Variants in ABR observed in about 807,000 individuals in gnomAD.
ABR encodes active breakpoint cluster region-related protein.
Under a neutral mutation model 107.2 loss-of-function variants are expected in ABR, and 35 were observed. The observed-to-expected ratio is 0.33, with a 90% confidence interval of 0.25 to 0.43. The LOEUF (loss-of-function observed/expected upper bound fraction) is 0.43. ABR is among the 20% of genes least tolerant of loss of function. The pLI is 1.00. For synonymous variants in ABR, 498 were observed against 462.0 expected (o/e 1.08, Z -1.00); for missense variants, 815 against 1,115.2 (o/e 0.73, Z 3.83).
At chr17:1,031,709 G>A in intron 16 of ABR, 1 of 1,249,972 alleles carries the variant, frequency 8.0e-7, no homozygotes, top group Non-Finnish European at 1.0e-6. Context: ...CCGCCTTCGG[G>A]CTGCAGTCGG....
chr17:1,149,379 G>A (rs1233790937), intron 1 of ABR, among the ~76,000 whole-genome samples: 1 of 151,136 alleles, frequency 6.6e-6, no homozygotes, highest in Non-Finnish European at 1.5e-5. Flanking sequence ...GTCACCTTCT[G>A]AATTACAAAG....
rs1173918715 is a variant in ABR, at chr17:1,084,603, A to G, written c.532-976T>C. ...CCATCGCCCCTTTCTGCAAAAGGGG[A>G]AACCGAGGCTCCATAAGTCAATTCC... On this transcript the variant is annotated intron_variant, in intron 4 of 22. Transcript: ENST00000302538. The surrounding 1 kb of genome is among the most constrained non-coding windows in gnomAD (Gnocchi z 4.2). Among the ~76,000 whole-genome samples, 2 of 152,150 alleles carry G rather than the reference A, an allele frequency of 1.3e-5. No individual in the cohort carries two copies. Among genetic ancestry groups the G allele is most frequent in the East Asian group, 3.9e-4 (2 of 5,190 alleles).
At chr17:1,141,237 AC>A (rs2040273040) in intron 1 of ABR, among the ~76,000 whole-genome samples, 1 of 152,160 alleles carries the variant, frequency 6.6e-6, no homozygotes, top group Admixed American at 6.5e-5. Flanking sequence ...AATCCTGGAA[AC>A]CAGCATCTTT....
upstream of ABR, among the ~76,000 whole-genome samples, chr17:1,188,428 T>C (rs2042360925): frequency 6.6e-6 from 1 of 152,044 alleles, no homozygotes; most frequent in Non-Finnish European, 1.5e-5. Flanking sequence ...CGGGCGCCTG[T>C]AGTCCCAGCT....
At chr17:1,162,802 A>ACACCT (rs2041356754) in intron 1 of ABR, among the ~76,000 whole-genome samples, 2 of 151,458 alleles carry the variant, frequency 1.3e-5, no homozygotes, top group Admixed American at 6.6e-5. Flanking sequence ...GGCCAAGCAC[A>ACACCT]GTGGCTCACA....
At chr17:1,056,197 T>C in intron 13 of ABR, 88 bp from the exon 14 acceptor site, 2 of 1,166,404 alleles carry the variant, frequency 1.7e-6, no homozygotes, top group Middle Eastern at 2.0e-4. Flanking sequence ...AGACGGGGTA[T>C]GAGACTCAGC....
chr17:1,156,413 G>C (rs552354049), intron 1 of ABR, among the ~76,000 whole-genome samples: 1 of 152,232 alleles, frequency 6.6e-6, no homozygotes, highest in Non-Finnish European at 1.5e-5. Context: ...AAATGCTGTG[G>C]TGGCTCACGC....
At position 1,148,946 on chromosome 17, in the gene ABR, G is replaced by A. The variant is rs191685758; in HGVS notation, c.62-23579C>T. On this transcript the variant is annotated intron_variant, in intron 1 of 22. Transcript: ENST00000302538. This position sits in a 1 kb window ranked among gnomAD's most constrained non-coding sequence, Gnocchi z 4.9. Reference sequence around the variant, plus strand: ...AGACAGAGTCTCACTCTGTCACCCAGGCTGGAGTGCAGTGGCGCCATCTCG... The same window carrying A: ...AGACAGAGTCTCACTCTGTCACCCAAGCTGGAGTGCAGTGGCGCCATCTCG... 6.8e-3 allele frequency among the ~76,000 whole-genome samples: 1,030 copies of A among 151,980 alleles called. 33 individuals carry two copies. The highest frequency in any genetic ancestry group is 0.055 in the Admixed American group (839 of 15,278).
intron 16 of ABR, among the ~76,000 whole-genome samples, chr17:1,030,348 C>T (rs553491904): frequency 8.5e-5 from 13 of 152,334 alleles, no homozygotes; most frequent in South Asian, 6.2e-4. Context: ...CCAACCCTGA[C>T]GTTTGGGGAT....
chr17:1,015,583 A>C (rs1005173975), intron 16 of ABR, among the ~76,000 whole-genome samples: 1 of 151,762 alleles, frequency 6.6e-6, no homozygotes, highest in Non-Finnish European at 1.5e-5. Flanking sequence ...CAGCCTCCCG[A>C]GTAGCTGGAA....
upstream of ABR, among the ~76,000 whole-genome samples, chr17:1,191,229 C>G (rs541088334): frequency 4.1e-4 from 63 of 152,294 alleles, no homozygotes; most frequent in African/African-American, 1.4e-3. Context: ...AGAAAGCCAC[C>G]CCAGCAGACG....
intron 2 of ABR, among the ~76,000 whole-genome samples, chr17:1,114,149 C>G (rs4392123): frequency 1.4e-5 from 2 of 147,608 alleles, no homozygotes; most frequent in African/African-American, 5.0e-5. Flanking sequence ...CAGACTGGGC[C>G]ACAGAGAAAG....
intron 1 of ABR, among the ~76,000 whole-genome samples, chr17:1,164,706 G>A (rs1398186972): frequency 6.6e-6 from 1 of 152,128 alleles, no homozygotes; most frequent in African/African-American, 2.4e-5. Context: ...TCACTCTGTT[G>A]CCCAGGCTGG....
At chr17:1,080,533 C>A (rs570088845) in intron 5 of ABR, among the ~76,000 whole-genome samples, 48 of 152,190 alleles carry the variant, frequency 3.2e-4, no homozygotes, top group African/African-American at 1.2e-3. Flanking sequence ...CAAGGTGAGG[C>A]CACGGTCAGG....
At chr17:1,048,852 A>T (rs955267363) in intron 16 of ABR, among the ~76,000 whole-genome samples, 2 of 152,238 alleles carry the variant, frequency 1.3e-5, no homozygotes, top group Non-Finnish European at 2.9e-5. Context: ...ACTGTCAAGA[A>T]GCTCAGCACG....
rs768121777 is a variant in ABR, at chr17:1,072,707, C to A, written c.801G>T (p.Leu267=). ...TCTGGGAGATGCGGAGGGCATCCTG[C>A]AGCAGCGGGTAGTCGGGGTGGTCCA... ...TPVDHPDYPL[L]QDALRISQNF... The change falls in exon 8 of 23, where the codon CTG becomes CTT. Residue 267 remains leucine, a synonymous_variant. Coordinates refer to ENST00000302538, the MANE Select transcript of ABR (RefSeq NM_021962.5). The A allele has an allele frequency of 6.2e-7, 1 of 1,613,786 alleles. No homozygotes were observed. The highest frequency in any genetic ancestry group is 1.1e-5 in the South Asian group (1 of 91,042).
intron 16 of ABR, among the ~76,000 whole-genome samples, chr17:1,033,268 G>C (rs920698717): frequency 2.0e-5 from 3 of 152,224 alleles, no homozygotes; most frequent in African/African-American, 7.2e-5. Context: ...TTGAGGAATA[G>C]GTGGCTTCCC....
At position 1,049,919 on chromosome 17, in the gene ABR, T is replaced by G. The variant is rs2032258985; in HGVS notation, c.1791+131A>C. ...CTCTAGCAGGGAGGGGAGAACCACC[T>G]CCTGGGAACTTTCCTCCAACCAGCT... On this transcript the variant is annotated intron_variant, in intron 16 of 22. Coordinates refer to ENST00000302538, the MANE Select transcript of ABR (RefSeq NM_021962.5). 1.2e-5 allele frequency: 16 copies of G among 1,310,608 alleles called. No individual in the cohort carries two copies. The South Asian group carries it at 2.3e-4, about 19-fold the overall frequency. The allele number at this position is 1,310,608 out of a possible 1,614,324, so 81.2% of individuals were successfully genotyped here.
chr17:1,222,358 C>A (rs1452137739), intron 1 of ABR, among the ~76,000 whole-genome samples: 3 of 152,090 alleles, frequency 2.0e-5, no homozygotes, highest in African/African-American at 7.2e-5. Context: ...CGTGAGCCAC[C>A]GCGCCCGGCC....
Sources: gnomAD v4.1 joint callset for allele counts (sites outside exome capture counted in the v4.1 genomes callset) on GRCh38, gnomAD v4.1.1 for gene constraint, Gnocchi (gnomAD v3.1) non-coding constraint, MANE v1.5 for transcripts, NCBI Gene and HGNC (gene_info 2026-07-23, HGNC 2026-07-21) for gene names.